Variants in RAB38 observed in about 807,000 individuals in gnomAD.
RAB38 encodes ras-related protein Rab-38.
In RAB38, 15 loss-of-function variants were observed where a neutral mutation model predicts 18.4. That is an observed-to-expected ratio of 0.82 (90% confidence interval 0.55 to 1.26). The LOEUF is 1.26. Among genes scored for constraint, RAB38 ranks in the 50% most tolerant of loss-of-function variants. The pLI, the probability that RAB38 is intolerant of heterozygous loss-of-function variation, is 0.00. For synonymous variants in RAB38, 101 were observed against 104.4 expected, an observed-to-expected ratio of 0.97 and a Z score of 0.20; for missense variants, 294 against 267.4, an observed-to-expected ratio of 1.10 and a Z score of -0.69.
chr11:87,945,588 AAG>A, the RAB38 span, among the ~76,000 whole-genome samples: 1 of 152,128 alleles, frequency 6.6e-6, no homozygotes, highest in Non-Finnish European at 1.5e-5. Context: ...GGAAAAGAAA[AAG>A]AGAGGTTCCT....
the RAB38 span, among the ~76,000 whole-genome samples, chr11:88,034,760 C>G: frequency 8.2e-4 from 123 of 150,500 alleles, no homozygotes; most frequent in Middle Eastern, 3.4e-3. Flanking sequence ...GATTGGATAC[C>G]TACGATATTT....
the RAB38 span, among the ~76,000 whole-genome samples, chr11:87,846,590 A>T: frequency 6.6e-6 from 1 of 152,044 alleles, no homozygotes; most frequent in Non-Finnish European, 1.5e-5. Flanking sequence ...AAGAAATACA[A>T]TTTTTTTGTC....
chr11:88,062,946 T>C, the RAB38 span, among the ~76,000 whole-genome samples: 1 of 152,222 alleles, frequency 6.6e-6, no homozygotes. Context: ...ATGATGGGAT[T>C]AGGGTGGTTT....
At chr11:87,973,644 G>A in the RAB38 span, among the ~76,000 whole-genome samples, 135 of 142,620 alleles carry the variant, frequency 9.5e-4, no homozygotes, top group African/African-American at 3.4e-3. Flanking sequence ...CAGTGTGGAG[G>A]GTACTCAGAA....
chr11:87,882,780 T>C, the RAB38 span, among the ~76,000 whole-genome samples: 1 of 151,860 alleles, frequency 6.6e-6, no homozygotes, highest in African/African-American at 2.4e-5. Flanking sequence ...CCATGGAAAC[T>C]GAGGTAACCT....
intron 1 of RAB38, among the ~76,000 whole-genome samples, chr11:88,152,825 GA>G (rs1232668442): frequency 1.3e-5 from 2 of 152,156 alleles, no homozygotes; most frequent in African/African-American, 2.4e-5. Context: ...CACATTTATG[GA>G]ATAGCTAATG....
At chr11:87,887,620 GT>G in the RAB38 span, among the ~76,000 whole-genome samples, 4 of 152,014 alleles carry the variant, frequency 2.6e-5, no homozygotes, top group Non-Finnish European at 1.5e-5. Context: ...CAAAATTGTT[GT>G]TTGAAATAAA....
the RAB38 span, among the ~76,000 whole-genome samples, chr11:87,807,655 A>G: frequency 1.8e-3 from 276 of 152,372 alleles, no homozygotes; most frequent in African/African-American, 6.2e-3. Context: ...GTGGTAGGAC[A>G]TAAATATCTA....
chr11:87,976,729 A>T, the RAB38 span, among the ~76,000 whole-genome samples: 1 of 119,122 alleles, frequency 8.4e-6, no homozygotes, highest in Non-Finnish European at 1.6e-5. Flanking sequence ...TATATATTTT[A>T]TATAATATAT....
intron 2 of RAB38, among the ~76,000 whole-genome samples, chr11:88,145,682 T>C (rs1283667448): frequency 6.6e-6 from 1 of 152,204 alleles, no homozygotes; most frequent in African/African-American, 2.4e-5. Flanking sequence ...AAGCAGATTA[T>C]AAAAATGGGA....
the RAB38 span, among the ~76,000 whole-genome samples, chr11:88,009,435 CA>C: frequency 6.6e-6 from 1 of 152,114 alleles, no homozygotes; most frequent in Non-Finnish European, 1.5e-5. Flanking sequence ...AAGAAAGGGA[CA>C]GATAATCCTC....
chr11:87,938,180 T>TA, the RAB38 span, among the ~76,000 whole-genome samples: 1 of 152,102 alleles, frequency 6.6e-6, no homozygotes, highest in South Asian at 2.1e-4. Context: ...GACTCCCTGT[T>TA]ATTGCTTTTT....
chr11:88,044,978 T>A, the RAB38 span, among the ~76,000 whole-genome samples: 2 of 152,136 alleles, frequency 1.3e-5, no homozygotes, highest in Non-Finnish European at 2.9e-5. Flanking sequence ...AGCAATTTCC[T>A]CTTAAAAAGA....
chr11:87,968,586 A>G, the RAB38 span, among the ~76,000 whole-genome samples: 1 of 152,146 alleles, frequency 6.6e-6, no homozygotes, highest in African/African-American at 2.4e-5. Flanking sequence ...ATATTACTCA[A>G]TGTTGTAGTA....
the RAB38 span, among the ~76,000 whole-genome samples, chr11:88,031,920 A>C: frequency 2.0e-5 from 3 of 151,974 alleles, no homozygotes; most frequent in East Asian, 5.8e-4. Flanking sequence ...CCGCATCGCC[A>C]AGTCAATCCT....
chr11:87,923,850 A>G, the RAB38 span, among the ~76,000 whole-genome samples: 1 of 151,896 alleles, frequency 6.6e-6, no homozygotes, highest in Non-Finnish European at 1.5e-5. Context: ...TAGTTGAGGA[A>G]TCATCGACCC....
rs1212711465 is a variant in RAB38, at chr11:88,138,774, TA to T, written c.483+10900del. On this transcript the variant is annotated intron_variant, in intron 2 of 2. Coordinates refer to ENST00000243662, the MANE Select transcript of RAB38 (RefSeq NM_022337.3). ...ATTTTATACATACAATTTTTATTAT[TA>T]TTCTTTTTTTTTTATTATTTTTTTT... 4.0e-3 allele frequency among the ~76,000 whole-genome samples: 398 copies of T among 100,630 alleles called. 4 individuals are homozygous for T. The highest frequency in any genetic ancestry group is 0.013 in the African/African-American group (366 of 28,776). 66.0% of individuals were successfully genotyped at this position (100,630 alleles called of 152,430 possible).
chr11:88,028,497 T>C, the RAB38 span, among the ~76,000 whole-genome samples: 1 of 152,226 alleles, frequency 6.6e-6, no homozygotes, highest in Non-Finnish European at 1.5e-5. Flanking sequence ...TTTAGAAGAA[T>C]GTATAACTAG....
At chr11:88,012,484 T>C in the RAB38 span, among the ~76,000 whole-genome samples, 1 of 152,186 alleles carries the variant, frequency 6.6e-6, no homozygotes, top group African/African-American at 2.4e-5. Flanking sequence ...AAAGTTTCTA[T>C]TAAAAAATAG....
Sources: allele counts gnomAD v4.1 joint callset (sites outside exome capture counted in the v4.1 genomes callset), GRCh38; gene constraint gnomAD v4.1.1; transcripts MANE v1.5; gene names NCBI Gene and HGNC (gene_info 2026-07-23, HGNC 2026-07-21).